Variants in ATP2B2 observed in about 807,000 individuals in gnomAD.
ATP2B2 encodes the protein plasma membrane calcium-transporting ATPase 2.
ATP2B2 carries 15 observed loss-of-function variants against 120.0 expected under a neutral mutation model. That is an observed-to-expected ratio of 0.12 (90% confidence interval 0.08 to 0.19). The LOEUF (loss-of-function observed/expected upper bound fraction) is 0.19. ATP2B2 is among the 10% of genes least tolerant of loss of function. The probability of loss-of-function intolerance (pLI) is 1.00; values close to 1 mark genes in which losing one functional copy is unlikely to be tolerated. For synonymous variants in ATP2B2, 694 were observed against 700.3 expected (o/e 0.99, Z 0.14); for missense variants, 1,045 against 1,719.8 (o/e 0.61, Z 6.94).
chr3:10,332,874 G>A (rs1418771366), intron 22 of ATP2B2, among the ~76,000 whole-genome samples: 2 of 152,136 alleles, frequency 1.3e-5, no homozygotes, highest in Non-Finnish European at 2.9e-5. Context: ...GTGGGGAACT[G>A]CTCTGGAAAT....
chr3:10,381,287 C>G (rs2061523511), intron 8 of ATP2B2, among the ~76,000 whole-genome samples: 1 of 152,206 alleles, frequency 6.6e-6, no homozygotes, highest in African/African-American at 2.4e-5. Context: ...GAGAAAAAAG[C>G]TTTTTAGAGT....
At chr3:10,517,080 A>C (rs546044108) in intron 3 of ATP2B2, among the ~76,000 whole-genome samples, 2 of 152,328 alleles carry the variant, frequency 1.3e-5, no homozygotes, top group East Asian at 3.9e-4. Context: ...ACAAAACGAC[A>C]AAGGTCAAGT....
intron 2 of ATP2B2, among the ~76,000 whole-genome samples, chr3:10,567,332 C>G (rs1308074456): frequency 1.3e-5 from 2 of 152,234 alleles, no homozygotes; most frequent in African/African-American, 4.8e-5. Context: ...GCAGGCCTCT[C>G]TGAGCTTCTG....
At chr3:10,429,023 A>G (rs1305199755) in intron 2 of ATP2B2, among the ~76,000 whole-genome samples, 1 of 152,102 alleles carries the variant, frequency 6.6e-6, no homozygotes, top group Non-Finnish European at 1.5e-5. Flanking sequence ...CACACAACCC[A>G]TGGTGCTCCT....
chr3:10,558,530 G>A (rs1326004010), intron 2 of ATP2B2, among the ~76,000 whole-genome samples: 1 of 152,186 alleles, frequency 6.6e-6, no homozygotes, highest in African/African-American at 2.4e-5. Flanking sequence ...AGTCAGGACT[G>A]AGAGATGGAG....
Position 10,340,622 on chromosome 3 carries a change from G to A in ATP2B2, c.3000C>T (p.Asn1000=), listed in dbSNP as rs1439850162. 2 of 1,614,272 alleles carry A rather than the reference G, an allele frequency of 1.2e-6. No homozygotes were observed. Among genetic ancestry groups the A allele is most frequent in the Admixed American group, 1.7e-5 (1 of 60,032 alleles). The change falls in exon 20 of 23, where the codon AAC becomes AAT. Residue 1000 remains asparagine (N), a synonymous_variant. Transcript: ENST00000360273. This position sits in a 1 kb window ranked among gnomAD's most constrained non-coding sequence, Gnocchi z 5.0. ...PPSEHYTIIF[N]TFVMMQLFNE... The stretch of plus-strand genomic sequence containing the variant: ...TGAAGAGCTGCATCATGACGAAGGT[G>A]TTGAAGATGATGGTGTAATGTTCTG...
intron 2 of ATP2B2, among the ~76,000 whole-genome samples, chr3:10,579,963 G>A (rs949464300): frequency 6.6e-6 from 1 of 152,212 alleles, no homozygotes; most frequent in East Asian, 1.9e-4. Flanking sequence ...CCTGGCAGGT[G>A]GAAGTTCTGA....
intron 7 of ATP2B2, among the ~76,000 whole-genome samples, chr3:10,385,783 T>G (rs2061660080): frequency 6.6e-6 from 1 of 152,214 alleles, no homozygotes; most frequent in South Asian, 2.1e-4. Flanking sequence ...TCTCTGTGCA[T>G]CAGGGTGTTC....
intron 2 of ATP2B2, among the ~76,000 whole-genome samples, chr3:10,607,964 TC>T (rs1310484994): frequency 1.3e-5 from 2 of 152,240 alleles, no homozygotes; most frequent in African/African-American, 4.8e-5. Flanking sequence ...CTGCTCCTTC[TC>T]CCCTTGTCCC....
At chr3:10,348,156 C>T (rs1358961319) in intron 16 of ATP2B2, among the ~76,000 whole-genome samples, 4 of 152,142 alleles carry the variant, frequency 2.6e-5, no homozygotes, top group Non-Finnish European at 5.9e-5. Flanking sequence ...ATGTCCAATG[C>T]TCTTCTCCAA....
At chr3:10,396,738 C>T (rs1196953009) in intron 5 of ATP2B2, among the ~76,000 whole-genome samples, 1 of 151,980 alleles carries the variant, frequency 6.6e-6, no homozygotes, top group African/African-American at 2.4e-5. Context: ...AGGGGGTAGC[C>T]CAGAGAGGTG....
intron 22 of ATP2B2, 105 bp downstream of exon 22, chr3:10,338,071 C>T (rs1574943623): frequency 1.3e-6 from 2 of 1,498,114 alleles, no homozygotes; most frequent in East Asian, 4.6e-5. Flanking sequence ...GCCACCCTCC[C>T]TCAGCACCAG....
At position 10,350,416 on chromosome 3, in the gene ATP2B2, G is replaced by T. The variant is rs765543996; in HGVS notation, c.2298C>A (p.Ile766=). The change falls in exon 15 of 23, where the codon ATC becomes ATA. Residue 766 remains isoleucine (I), a synonymous_variant. Transcript: ENST00000360273. ...CACGCACCTCCCCCTTCTCGTTGCG[G>T]ATCCTCCTGTTGAACTCCTTGCCCT... ...CLEGKEFNRR[I]RNEKGEIEQE... 2.3e-5 allele frequency: 37 copies of T among 1,614,106 alleles called. No homozygotes were observed. The highest frequency in any genetic ancestry group is 1.7e-6 in the Non-Finnish European group (2 of 1,180,024).
intron 18 of ATP2B2, among the ~76,000 whole-genome samples, chr3:10,344,026 A>G (rs1486584631): frequency 1.3e-5 from 2 of 149,686 alleles, no homozygotes; most frequent in African/African-American, 4.9e-5. Flanking sequence ...CATCCCTTCC[A>G]CTCATCACCT....
rs903141977 is a variant in ATP2B2 at position 10,330,549 on chromosome 3, C to T, written c.3421-1424G>A. On this transcript the variant is annotated intron_variant, in intron 22 of 22. Coordinates refer to ENST00000360273, the MANE Select transcript of ATP2B2 (RefSeq NM_001001331.4). ...GTCAGAGGTGGAGAAAACAAGGCGG[C>T]GTTGGCGCCTCCAGGACAGAGCCTT... is the stretch of plus-strand genomic sequence containing the variant. Among the ~76,000 whole-genome samples, 3 of 152,248 alleles carry T rather than the reference C, an allele frequency of 2.0e-5. No individual in the cohort carries two copies. The East Asian group carries it at 5.8e-4, about 29-fold the overall frequency.
intron 1 of ATP2B2, among the ~76,000 whole-genome samples, chr3:10,631,992 G>T (rs1016665326): frequency 1.3e-5 from 2 of 152,148 alleles, no homozygotes; most frequent in Non-Finnish European, 2.9e-5. Flanking sequence ...CAGGTCCCGA[G>T]GTCCTCAGCC....
intron 5 of ATP2B2, among the ~76,000 whole-genome samples, chr3:10,399,048 A>G (rs2062135009): frequency 2.0e-5 from 3 of 152,032 alleles, no homozygotes; most frequent in Admixed American, 2.0e-4. Context: ...GTGATTCTGA[A>G]CATTCTCTCT....
chr3:10,381,752 G>C (rs1288974712), intron 8 of ATP2B2, among the ~76,000 whole-genome samples: 3 of 152,166 alleles, frequency 2.0e-5, no homozygotes, highest in Non-Finnish European at 2.9e-5. Context: ...CCCTCAGGTG[G>C]GGTCTCAGAG....
chr3:10,610,176 C>CGT (rs746715983), intron 2 of ATP2B2, among the ~76,000 whole-genome samples: 16 of 148,700 alleles, frequency 1.1e-4, no homozygotes, highest in African/African-American at 3.2e-4. Flanking sequence ...AAATATATAT[C>CGT]GTGTGTGTGT....
Sources: gnomAD v4.1 joint callset for allele counts (sites outside exome capture counted in the v4.1 genomes callset) on GRCh38, gnomAD v4.1.1 for gene constraint, Gnocchi (gnomAD v3.1) non-coding constraint, MANE v1.5 for transcripts, NCBI Gene and HGNC (gene_info 2026-07-23, HGNC 2026-07-21) for gene names.